The following SALL3 variants were observed in gnomAD, a reference collection of about 807,000 sequenced individuals.
SALL3 encodes sal-like protein 3.
In SALL3, 25 loss-of-function variants were observed where a neutral mutation model predicts 66.2. That is an observed-to-expected ratio of 0.38 (90% CI 0.28 to 0.53). SALL3 has a LOEUF of 0.53. Ranked by LOEUF, SALL3 falls within the 20% of genes least tolerant of loss-of-function variation. The pLI is 0.85. For missense variants in SALL3, 2,194 were observed against 1,916.5 expected, an observed-to-expected ratio of 1.14 and a Z score of -2.70; for synonymous variants, 1,152 against 899.1, an observed-to-expected ratio of 1.28 and a Z score of -5.03.
At position 78,993,995 on chromosome 18, in the gene SALL3, G is replaced by A. The variant is rs1319216462; in HGVS notation, c.2004G>A (p.Val668=). 1.9e-6 allele frequency: 3 copies of A among 1,612,258 alleles called. No homozygotes were observed. The highest frequency in any genetic ancestry group is 1.7e-5 in the Admixed American group (1 of 59,966). The part of the protein sequence containing the change: ...TSETSKLQQL[V]ENIDKKMTDP... ...AAACCTCGAAGCTGCAGCAGCTGGT[G>A]GAGAACATCGACAAGAAGATGACGG... Residue 668 remains valine (V), a synonymous_variant, in exon 2 of 3, where the codon GTG becomes GTA. Coordinates refer to ENST00000537592, the MANE Select transcript of SALL3 (RefSeq NM_171999.4).
Position 78,992,477 on chromosome 18 carries a change from C to A in SALL3, c.486C>A (p.Pro162=). Residue 162 remains proline (P), a synonymous_variant, in exon 2 of 3, where the codon CCC becomes CCA. Transcript: ENST00000537592. ...CCCCAACGCCCGCCTACGGCGCGCCCAGCACCAACGTGACCCTGGAGGCGC... is the reference window on the plus strand; with the variant it reads ...CCCCAACGCCCGCCTACGGCGCGCCAAGCACCAACGTGACCCTGGAGGCGC... ...PAPPTPAYGA[P]STNVTLEALL... is the part of the protein sequence containing the mutation. The A allele has an allele frequency of 6.9e-7, 1 of 1,458,782 alleles. No individual in the cohort carries two copies. Among genetic ancestry groups the A allele is most frequent in the Non-Finnish European group, 9.0e-7 (1 of 1,109,350 alleles). 90.4% of individuals were successfully genotyped at this position (1,458,782 alleles called of 1,614,324 possible).
At position 78,997,172 on chromosome 18, in the gene SALL3, C is replaced by A. The variant is rs776949456; in HGVS notation, c.3753C>A (p.Pro1251=). The A allele has an allele frequency of 6.2e-7, 1 of 1,614,028 alleles. No homozygotes were observed. The highest frequency in any genetic ancestry group is 8.5e-7 in the Non-Finnish European group (1 of 1,180,036). Residue 1251 remains proline (P), a synonymous_variant, in exon 3 of 3, where the codon CCC becomes CCA. Transcript: ENST00000537592. ...TGAGTCTTGGGGGCAGCGCCCTCCC[C>A]CCTCTGGGCAGCATGGCCAGTGGGA... ...LPVSLGGSAL[P]PLGSMASGMD...
intron 1 of SALL3, 122 bp from the exon 2 acceptor site, chr18:78,991,952 C>A: frequency 1.3e-6 from 1 of 743,698 alleles, no homozygotes; most frequent in South Asian, 2.5e-5. Context: ...CACGCTGGGA[C>A]GTCAGAAATG....
Position 78,979,874 on chromosome 18 carries a change from C to A in SALL3, c.-401C>A, listed in dbSNP as rs1216193995. ...TTGCTGCCTGCGCCCTGCGGAGGGACGGCCACCGCGGCCCGCGCCGCACCC... is the reference window on the plus strand; with the variant it reads ...TTGCTGCCTGCGCCCTGCGGAGGGAAGGCCACCGCGGCCCGCGCCGCACCC... On this transcript the variant is annotated 5_prime_UTR_variant, in exon 1 of 3. Coordinates refer to ENST00000537592, the MANE Select transcript of SALL3 (RefSeq NM_171999.4). Among the ~76,000 whole-genome samples, 2 of 144,378 alleles carry A rather than the reference C, an allele frequency of 1.4e-5. No homozygotes were observed. Among genetic ancestry groups the A allele is most frequent in the East Asian group, 2.0e-4 (1 of 4,882 alleles). The allele number at this position is 144,378 out of a possible 152,430, so 94.7% of individuals were successfully genotyped here.
chr18:78,993,082 C>A lies in SALL3; in HGVS notation c.1091C>A (p.Pro364His). Residue 364 changes from proline to histidine, a missense_variant, in exon 2 of 3, where the codon CCT (proline) becomes CAT (histidine). Physicochemically the swap from Pro to His is moderately conservative, Grantham distance 77. Transcript: ENST00000537592. ...CCCGGCCTGCCAAGTCCGCTTCTACCTCAGACTTCCGCCAGCGGCGTCATC... is the reference window on the plus strand; with the variant it reads ...CCCGGCCTGCCAAGTCCGCTTCTACATCAGACTTCCGCCAGCGGCGTCATC... ...AAPGLPSPLL[P>H]QTSASGVIFP... The A allele has an allele frequency of 6.3e-7, 1 of 1,598,526 alleles. No homozygotes were observed. The highest frequency in any genetic ancestry group is 2.3e-5 in the East Asian group (1 of 44,432).
Position 78,992,241 on chromosome 18 carries a change from G to A in SALL3, c.250G>A (p.Glu84Lys), listed in dbSNP as rs1482072746. 1 of 1,593,656 alleles carries A rather than the reference G, an allele frequency of 6.3e-7. No individual in the cohort carries two copies. The highest frequency in any genetic ancestry group is 8.5e-7 in the Non-Finnish European group (1 of 1,173,708). ...TKLPPVLIVH[E>K]DAPAPPPEDF... ...GCTCCCGCCCGTGCTGATCGTGCAC[G>A]AGGACGCGCCCGCGCCGCCCCCCGA... Residue 84 changes from glutamate to lysine, a missense_variant, in exon 2 of 3, where the codon GAG (glutamate) becomes AAG (lysine). Physicochemically the swap from Glu to Lys is moderately conservative, Grantham distance 56. Coordinates refer to ENST00000537592, the MANE Select transcript of SALL3 (RefSeq NM_171999.4).
rs1914724549 is a variant in SALL3 at position 78,997,164 on chromosome 18, G to T, written c.3745G>T (p.Ala1249Ser). 6.2e-7 allele frequency: 1 copy of T among 1,613,980 alleles called. No individual in the cohort carries two copies. The highest frequency in any genetic ancestry group is 2.2e-5 in the East Asian group (1 of 44,884). ...GCTCCCCGTGAGTCTTGGGGGCAGC[G>T]CCCTCCCCCCTCTGGGCAGCATGGC... ...PQLPVSLGGS[A>S]LPPLGSMASG... Residue 1249 changes from alanine (A) to serine (S), a missense_variant, in exon 3 of 3, where the codon GCC becomes TCC. Transcript: ENST00000537592.
Position 78,992,922 on chromosome 18 carries a change from C to A in SALL3, c.931C>A (p.Pro311Thr). 1.0e-6 allele frequency: 1 copy of A among 996,014 alleles called. No individual in the cohort carries two copies. Among genetic ancestry groups the A allele is most frequent in the East Asian group, 1.1e-4 (1 of 9,484 alleles). The allele number at this position is 996,014 out of a possible 1,614,324, so 61.7% of individuals were successfully genotyped here. ...TPGGPAEPSA[P>T]AAPSAAPAPA... ...CGGCGGCCCTGCGGAGCCCAGCGCGCCCGCCGCCCCCAGCGCCGCCCCTGC... is the reference window on the plus strand; with the variant it reads ...CGGCGGCCCTGCGGAGCCCAGCGCGACCGCCGCCCCCAGCGCCGCCCCTGC... The change falls in exon 2 of 3, where the codon CCC becomes ACC. Residue 311 changes from proline to threonine, a missense_variant. Physicochemically the swap from Pro to Thr is conservative, Grantham distance 38. Coordinates refer to ENST00000537592, the MANE Select transcript of SALL3 (RefSeq NM_171999.4).
chr18:78,991,720 G>C, intron 1 of SALL3: 2 of 266,652 alleles, frequency 7.5e-6, no homozygotes, highest in Non-Finnish European at 1.4e-5. Context: ...AATTTTGCTG[G>C]AAATGAGGAA....
rs1464037223 is a variant in SALL3 at position 78,992,351 on chromosome 18, G to A, written c.360G>A (p.Ala120=). ...EAAEEAGAEG[A]EGEARPVEKE... is the part of the protein sequence containing the mutation. ...CCGAGGAGGCGGGTGCGGAGGGCGC[G>A]GAGGGCGAGGCCAGGCCGGTGGAGA... The change falls in exon 2 of 3, where the codon GCG becomes GCA. Residue 120 remains alanine (A), a synonymous_variant. Transcript: ENST00000537592. 9.5e-6 allele frequency: 13 copies of A among 1,372,520 alleles called. No individual in the cohort carries two copies. Among genetic ancestry groups the A allele is most frequent in the Non-Finnish European group, 1.2e-5 (13 of 1,071,080 alleles). The allele number at this position is 1,372,520 out of a possible 1,614,324, so 85.0% of individuals were successfully genotyped here. A position where few individuals can be genotyped will look rare whatever the true frequency, so the allele number is the denominator to read the frequency against.
In SALL3 at chr18:78,993,680, C is replaced by A; in HGVS notation, c.1689C>A (p.Cys563Ter). The A allele has an allele frequency of 6.3e-7, 1 of 1,585,094 alleles. No individual in the cohort carries two copies. The highest frequency in any genetic ancestry group is 8.5e-7 in the Non-Finnish European group (1 of 1,172,968). ...PQRPSPASSECASLSPGLNHV... is the reference protein window; with the variant it reads ...PQRPSPASSE Reference sequence around the variant, plus strand: ...GGCCCTCGCCCGCCTCCAGCGAGTGCGCCTCCTTGTCCCCAGGCCTCAACC... The same window carrying A: ...GGCCCTCGCCCGCCTCCAGCGAGTGAGCCTCCTTGTCCCCAGGCCTCAACC... Residue 563 changes from cysteine to a stop codon, truncating the protein, a stop_gained, in exon 2 of 3, where the codon TGC becomes TGA. Transcript: ENST00000537592. LOFTEE classifies it high-confidence loss of function.
rs750112189 is a variant in SALL3 at position 78,995,402 on chromosome 18, C to T, written c.3411C>T (p.Gly1137=). 5 of 1,588,136 alleles carry T rather than the reference C, an allele frequency of 3.1e-6. No homozygotes were observed. The highest frequency in any genetic ancestry group is 4.5e-5 in the East Asian group (2 of 44,486). Residue 1137 remains glycine, a synonymous_variant, in exon 2 of 3, where the codon GGC becomes GGT. Coordinates refer to ENST00000537592, the MANE Select transcript of SALL3 (RefSeq NM_171999.4). ...ALQIHERTHT[G]EKPFGCTICG... is the part of the protein sequence containing the mutation. ...AGATCCATGAGCGCACGCACACCGG[C>T]GAGAAGCCGTTCGGCTGCACCATCT... is the stretch of plus-strand genomic sequence containing the variant.
Position 78,992,241 on chromosome 18 carries a change from G to C in SALL3, c.250G>C (p.Glu84Gln). 3.1e-6 allele frequency: 5 copies of C among 1,593,656 alleles called. No homozygotes were observed. Among genetic ancestry groups the C allele is most frequent in the East Asian group, 2.3e-5 (1 of 43,442 alleles). ...GCTCCCGCCCGTGCTGATCGTGCAC[G>C]AGGACGCGCCCGCGCCGCCCCCCGA... is the stretch of plus-strand genomic sequence containing the variant. Reference protein sequence around the residue: ...TKLPPVLIVHEDAPAPPPEDF... With the variant: ...TKLPPVLIVHQDAPAPPPEDF... Residue 84 changes from glutamate (E) to glutamine (Q), a missense_variant, in exon 2 of 3, where the codon GAG (glutamate) becomes CAG (glutamine). Coordinates refer to ENST00000537592, the MANE Select transcript of SALL3 (RefSeq NM_171999.4).
At position 78,993,733 on chromosome 18, in the gene SALL3, C is replaced by T. The variant is rs887146096; in HGVS notation, c.1742C>T (p.Ala581Val). The change falls in exon 2 of 3, where the codon GCC becomes GTC. Residue 581 changes from alanine to valine, a missense_variant. Transcript: ENST00000537592. Reference sequence around the variant, plus strand: ...GTGGAGTCCGGCGTGTCGGCCACCGCCGAGTCCCCACAGTCGCTCCTCGGC... The same window carrying T: ...GTGGAGTCCGGCGTGTCGGCCACCGTCGAGTCCCCACAGTCGCTCCTCGGC... ...NHVESGVSATAESPQSLLGGP... is the reference protein window; with the variant it reads ...NHVESGVSATVESPQSLLGGP... 41 of 1,553,266 alleles carry T rather than the reference C, an allele frequency of 2.6e-5. No individual in the cohort carries two copies. Among genetic ancestry groups the T allele is most frequent in the Non-Finnish European group, 3.4e-5 (39 of 1,158,262 alleles).
rs1913948060 is a variant in SALL3 at position 78,980,096 on chromosome 18, C to T, written c.-179C>T. ...GCTGGAGCCCGGCCAATCGGCGCGGCCCTCCGCTAATGGCCATGCATTATT... is the reference window on the plus strand; with the variant it reads ...GCTGGAGCCCGGCCAATCGGCGCGGTCCTCCGCTAATGGCCATGCATTATT... On this transcript the variant is annotated 5_prime_UTR_variant, in exon 1 of 3. Coordinates refer to ENST00000537592, the MANE Select transcript of SALL3 (RefSeq NM_171999.4). Among the ~76,000 whole-genome samples the T allele has an allele frequency of 1.4e-5, 2 of 146,244 alleles. No individual in the cohort carries two copies. Among genetic ancestry groups the T allele is most frequent in the South Asian group, 4.2e-4 (2 of 4,792 alleles).
At position 78,993,925 on chromosome 18, in the gene SALL3, C is replaced by T. The variant is rs772487981; in HGVS notation, c.1934C>T (p.Ala645Val). Residue 645 changes from alanine to valine, a missense_variant, in exon 2 of 3, where the codon GCC (alanine) becomes GTC (valine). Transcript: ENST00000537592. ...CCCGCCGTCTCCGAGCAGTTCAAGG[C>T]CCAGTTTCCGTTCGGGGGGCTGCTA... Reference protein sequence around the residue: ...GLPAVSEQFKAQFPFGGLLDS... With the variant: ...GLPAVSEQFKVQFPFGGLLDS... The T allele has an allele frequency of 1.9e-6, 3 of 1,605,962 alleles. No homozygotes were observed. The highest frequency in any genetic ancestry group is 2.5e-6 in the Non-Finnish European group (3 of 1,176,828).
Position 78,994,241 on chromosome 18 carries a change from C to CTTCT in SALL3, c.2250_2251insTTCT (p.Ala751PhefsTer49). On this transcript the variant is annotated frameshift_variant, in exon 2 of 3. Coordinates refer to ENST00000537592, the MANE Select transcript of SALL3 (RefSeq NM_171999.4). LOFTEE classifies it high-confidence loss of function. ...CCATCTGCCAGAAGAAGTTCACCAACGCCGTGGTCCTGCAGCAGCACATCC... is the reference window on the plus strand; with the variant it reads ...CCATCTGCCAGAAGAAGTTCACCAACTTCTGCCGTGGTCCTGCAGCAGCACATCC... 1 of 1,613,752 alleles carries CTTCT rather than the reference C, an allele frequency of 6.2e-7. No individual in the cohort carries two copies.
intron 2 of SALL3, among the ~76,000 whole-genome samples, chr18:78,995,827 A>G (rs770277492): frequency 2.0e-5 from 3 of 152,062 alleles, no homozygotes; most frequent in East Asian, 1.9e-4. Context: ...GTCCCTGTGC[A>G]CACACACTGA....
chr18:78,993,260 C>T lies in SALL3; in HGVS notation c.1269C>T (p.Arg423=). 1 of 1,610,722 alleles carries T rather than the reference C, an allele frequency of 6.2e-7. No homozygotes were observed. Among genetic ancestry groups the T allele is most frequent in the Non-Finnish European group, 8.5e-7 (1 of 1,179,604 alleles). The part of the protein sequence containing the change: ...AEDPFFKHKC[R]FCAKVFGSDS... ...ACCCGTTCTTCAAGCACAAATGCCG[C>T]TTCTGCGCCAAGGTCTTCGGCAGCG... The change falls in exon 2 of 3, where the codon CGC becomes CGT. Residue 423 remains arginine (R), a synonymous_variant. Transcript: ENST00000537592.
Sources: gnomAD v4.1 joint callset for allele counts (sites outside exome capture counted in the v4.1 genomes callset) on GRCh38, gnomAD v4.1.1 for gene constraint, MANE v1.5 for transcripts, NCBI Gene and HGNC (gene_info 2026-07-23, HGNC 2026-07-21) for gene names.